The following OSBPL9 variants were observed in gnomAD, a reference collection of about 807,000 sequenced individuals.
The protein encoded by OSBPL9 is oxysterol binding protein like 9.
In OSBPL9, 40 loss-of-function variants were observed where a neutral mutation model predicts 106.6. The ratio of observed to expected loss-of-function variants is 0.38; its 90% CI spans 0.29 to 0.49. The LOEUF (loss-of-function observed/expected upper bound fraction) is 0.49. Ranked by LOEUF, OSBPL9 falls within the 20% of genes least tolerant of loss-of-function variation. The pLI is 0.97. For synonymous variants in OSBPL9, 269 were observed against 295.4 expected (o/e 0.91, Z 0.92); for missense variants, 609 against 887.2 (o/e 0.69, Z 3.98).
At chr1:51,747,330 G>C (rs1403325282) in intron 6 of OSBPL9, among the ~76,000 whole-genome samples, 1 of 152,004 alleles carries the variant, frequency 6.6e-6, no homozygotes, top group African/African-American at 2.4e-5. Flanking sequence ...TCCTTTTCAT[G>C]TATCATATGT....
At chr1:51,623,444 AAT>A (rs1436516540) in intron 1 of OSBPL9, among the ~76,000 whole-genome samples, 1 of 152,228 alleles carries the variant, frequency 6.6e-6, no homozygotes, top group Non-Finnish European at 1.5e-5. Flanking sequence ...GGAATAGCTA[AAT>A]ATGATTTGTT....
chr1:51,722,305 A>G (rs934223703), intron 4 of OSBPL9, among the ~76,000 whole-genome samples: 1 of 152,224 alleles, frequency 6.6e-6, no homozygotes, highest in Admixed American at 6.5e-5. Flanking sequence ...AACAAAATCT[A>G]CATGTTTTTT....
chr1:51,600,054 G>A (rs1366704815), intron 2 of OSBPL9, among the ~76,000 whole-genome samples: 1 of 152,120 alleles, frequency 6.6e-6, no homozygotes, highest in Non-Finnish European at 1.5e-5. Flanking sequence ...ATTAGAGCAG[G>A]GCCCTTATGG....
At chr1:51,778,964 A>G (rs1467942358) in intron 15 of OSBPL9, among the ~76,000 whole-genome samples, 1 of 152,232 alleles carries the variant, frequency 6.6e-6, no homozygotes. Context: ...AGTAATTGAT[A>G]ACATACAGAA....
the OSBPL9 span, among the ~76,000 whole-genome samples, chr1:51,563,199 C>T: frequency 0.011 from 1,627 of 152,122 alleles, 21 homozygotes; most frequent in African/African-American, 0.037. Context: ...GACAGAGCAA[C>T]GCTCTGTCTC....
At chr1:51,753,315 C>T (rs1393893373) in intron 8 of OSBPL9, among the ~76,000 whole-genome samples, 2 of 152,136 alleles carry the variant, frequency 1.3e-5, no homozygotes, top group African/African-American at 2.4e-5. Flanking sequence ...GTTTATATTC[C>T]ATATACAAGA....
the OSBPL9 span, chr1:51,569,741 G>T: frequency 6.6e-6 from 1 of 152,174 alleles, no homozygotes; most frequent in African/African-American, 2.4e-5. Flanking sequence ...ATGTTCACTG[G>T]TTTGGAGACC....
At chr1:51,739,893 T>C (rs1476852237) in intron 4 of OSBPL9, among the ~76,000 whole-genome samples, 1 of 152,048 alleles carries the variant, frequency 6.6e-6, no homozygotes, top group Non-Finnish European at 1.5e-5. Flanking sequence ...TTTTTCATCG[T>C]CAAACCACTT....
intron 1 of OSBPL9, among the ~76,000 whole-genome samples, chr1:51,648,983 G>A (rs1183782397): frequency 2.0e-5 from 3 of 151,998 alleles, no homozygotes; most frequent in Non-Finnish European, 2.9e-5. Context: ...TGCCCTCTTT[G>A]TAAACCTTTA....
chr1:51,698,937 A>G (rs1289032068), intron 3 of OSBPL9, among the ~76,000 whole-genome samples: 1 of 152,174 alleles, frequency 6.6e-6, no homozygotes, highest in Non-Finnish European at 1.5e-5. Flanking sequence ...ATAGACACAA[A>G]GCCCTTTTTT....
At chr1:51,755,485 C>G (rs1343144185) in intron 8 of OSBPL9, among the ~76,000 whole-genome samples, 1 of 152,182 alleles carries the variant, frequency 6.6e-6, no homozygotes, top group African/African-American at 2.4e-5. Context: ...TCAATAGAAA[C>G]TGTACTTTGA....
chr1:51,697,676 C>T (rs1484781839), intron 3 of OSBPL9, among the ~76,000 whole-genome samples: 3 of 151,100 alleles, frequency 2.0e-5, no homozygotes, highest in Non-Finnish European at 1.5e-5. Context: ...GTGTGAGTTA[C>T]GCTGGAAGAG....
At chr1:51,563,497 G>C in the OSBPL9 span, 1 of 152,266 alleles carries the variant, frequency 6.6e-6, no homozygotes, top group Non-Finnish European at 1.5e-5. Context: ...TGAGGGTACA[G>C]TCTTATTTGC....
At chr1:51,771,988 A>G (rs1674010918) in intron 12 of OSBPL9, 82 bp from the exon 13 acceptor site, 1 of 974,196 alleles carries the variant, frequency 1.0e-6, no homozygotes, top group Non-Finnish European at 1.5e-6. Flanking sequence ...CATGCATGTA[A>G]CCAGCTAACT....
intron 2 of OSBPL9, among the ~76,000 whole-genome samples, chr1:51,668,347 T>A (rs1195047872): frequency 6.6e-6 from 1 of 152,142 alleles, no homozygotes; most frequent in Non-Finnish European, 1.5e-5. Flanking sequence ...GGGGGCCAGG[T>A]GTGGTGGCGC....
intron 1 of OSBPL9, among the ~76,000 whole-genome samples, chr1:51,593,916 A>ACACG (rs964856293): frequency 2.7e-5 from 4 of 150,366 alleles, no homozygotes; most frequent in African/African-American, 9.7e-5. Flanking sequence ...ACACACACAC[A>ACACG]CACACACACA....
At chr1:51,671,483 G>C (rs964124191) in intron 3 of OSBPL9, among the ~76,000 whole-genome samples, 10 of 152,096 alleles carry the variant, frequency 6.6e-5, no homozygotes, top group Non-Finnish European at 1.5e-4. Context: ...GGGAAAGCTA[G>C]AGTTTGTTCA....
At chr1:51,551,469 G>C in the OSBPL9 span, among the ~76,000 whole-genome samples, 1 of 151,834 alleles carries the variant, frequency 6.6e-6, no homozygotes, top group Non-Finnish European at 1.5e-5. Flanking sequence ...GCTTCTCTTA[G>C]GTCCTGTTTA....
chr1:51,781,073 C>A, intron 15 of OSBPL9, 91 bp from the exon 16 acceptor site: 2 of 1,254,680 alleles, frequency 1.6e-6, no homozygotes, highest in Non-Finnish European at 2.3e-6. Context: ...GTCCTCTCAG[C>A]CTGACTTAGG....
Sources: gnomAD v4.1 joint callset for allele counts (sites outside exome capture counted in the v4.1 genomes callset) on GRCh38, gnomAD v4.1.1 for gene constraint, MANE v1.5 for transcripts, NCBI Gene and HGNC (gene_info 2026-07-23, HGNC 2026-07-21) for gene names.